Variants in SEC23IP observed in about 807,000 individuals in gnomAD.
The protein encoded by SEC23IP is SEC23 interacting protein, also known as SEC23-interacting protein.
In SEC23IP, 70 loss-of-function variants were observed where a neutral mutation model predicts 113.4. That is an observed-to-expected ratio of 0.62 (90% CI 0.51 to 0.75). The LOEUF is 0.75. Ranked by LOEUF, SEC23IP falls within the 30% of genes least tolerant of loss-of-function variation. The pLI is 0.00. For synonymous variants in SEC23IP, 398 were observed against 421.0 expected (o/e 0.95, Z 0.67); for missense variants, 1,160 against 1,204.9 (o/e 0.96, Z 0.55).
rs1451232140 is a variant in SEC23IP at position 119,898,414 on chromosome 10, T to C, written c.164-13T>C. On this transcript the variant is annotated splice_polypyrimidine_tract_variant and intron_variant, in intron 1 of 18. Coordinates refer to ENST00000369075, the MANE Select transcript of SEC23IP (RefSeq NM_007190.4). Reference sequence around the variant, plus strand: ...GTACCCTTTAAACCACATGCTCTCCTGTTCCATTTCAGAGGATTCCACAGA... The same window carrying C: ...GTACCCTTTAAACCACATGCTCTCCCGTTCCATTTCAGAGGATTCCACAGA... The C allele has an allele frequency of 2.5e-6, 4 of 1,602,952 alleles. No homozygotes were observed. Among genetic ancestry groups the C allele is most frequent in the Middle Eastern group, 3.3e-4 (2 of 6,010 alleles).
chr10:119,918,278 C>G (rs1192980084), intron 9 of SEC23IP, 115 bp from the exon 10 acceptor site: 1 of 703,098 alleles, frequency 1.4e-6, no homozygotes, highest in Non-Finnish European at 2.4e-6. Flanking sequence ...AATTAATTAT[C>G]AGGTCTTGAA....
chr10:119,906,410 GTTT>G (rs57638351), intron 4 of SEC23IP, among the ~76,000 whole-genome samples: 2 of 134,440 alleles, frequency 1.5e-5, no homozygotes, highest in Admixed American at 7.5e-5. Context: ...TCACATCAGG[GTTT>G]TTTTTTTTTT....
At chr10:119,935,789 C>T (rs566168341) in intron 18 of SEC23IP, among the ~76,000 whole-genome samples, 3 of 152,244 alleles carry the variant, frequency 2.0e-5, no homozygotes, top group African/African-American at 4.8e-5. Flanking sequence ...GGGATGGGTT[C>T]AAGTTATTAA....
intron 16 of SEC23IP, among the ~76,000 whole-genome samples, chr10:119,932,559 T>A (rs1159375845): frequency 6.6e-6 from 1 of 152,202 alleles, no homozygotes; most frequent in African/African-American, 2.4e-5. Flanking sequence ...ATTTAAAAAT[T>A]ATATTGAGAT....
In SEC23IP at chr10:119,919,481, A is replaced by G; in HGVS notation, c.1910A>G (p.Tyr637Cys). 1 of 1,612,594 alleles carries G rather than the reference A, an allele frequency of 6.2e-7. No individual in the cohort carries two copies. Among genetic ancestry groups the G allele is most frequent in the Non-Finnish European group, 8.5e-7 (1 of 1,179,650 alleles). Reference protein sequence around the residue: ...EEPKLTLDESYDLVVENKEVL... With the variant: ...EEPKLTLDESCDLVVENKEVL... ...CCAAAGCTGACTTTGGATGAGTCGT[A>G]TGACCTTGTTGTTGAAAATAAAGAA... The change falls in exon 11 of 19, where the codon TAT becomes TGT. Residue 637 changes from tyrosine to cysteine, a missense_variant. Physicochemically the swap from Tyr to Cys is radical, Grantham distance 194 (BLOSUM62 -2). Coordinates refer to ENST00000369075, the MANE Select transcript of SEC23IP (RefSeq NM_007190.4).
At chr10:119,904,422 G>T (rs148199983) in intron 4 of SEC23IP, 145 bp downstream of exon 4, 1 of 686,666 alleles carries the variant, frequency 1.5e-6, no homozygotes, top group East Asian at 2.7e-5. Flanking sequence ...TACTTTTTAA[G>T]TGGTGTCATC....
chr10:119,910,506 A>C (rs1854821885), intron 5 of SEC23IP, among the ~76,000 whole-genome samples: 1 of 152,162 alleles, frequency 6.6e-6, no homozygotes. Context: ...TTTTTATAGA[A>C]AAGTATATAA....
chr10:119,917,143 A>C (rs1230237387), intron 8 of SEC23IP, among the ~76,000 whole-genome samples: 1 of 152,134 alleles, frequency 6.6e-6, no homozygotes, highest in African/African-American at 2.4e-5. Flanking sequence ...TGCTAGGATC[A>C]CAGGCATGAG....
At chr10:119,930,583 C>T (rs1381590612) in intron 15 of SEC23IP, 152 bp downstream of exon 15, 2 of 473,328 alleles carry the variant, frequency 4.2e-6, no homozygotes, top group Non-Finnish European at 3.8e-6. Flanking sequence ...TTTGGAAGAG[C>T]TTTAACAAAA....
chr10:119,919,810 T>A (rs148322267), intron 11 of SEC23IP, among the ~76,000 whole-genome samples: 1 of 152,258 alleles, frequency 6.6e-6, no homozygotes, highest in South Asian at 2.1e-4. Flanking sequence ...AGAAAAAAAT[T>A]GTATAACAGT....
At chr10:119,929,917 A>G (rs913239576) in intron 14 of SEC23IP, among the ~76,000 whole-genome samples, 155 bp downstream of exon 14, 26 of 152,182 alleles carry the variant, frequency 1.7e-4, no homozygotes, top group African/African-American at 6.0e-4. Flanking sequence ...CCAAATCGCT[A>G]GGATTATAGG....
At chr10:119,897,835 TA>T (rs35316281) in intron 1 of SEC23IP, among the ~76,000 whole-genome samples, 9,016 of 144,192 alleles carry the variant, frequency 0.063, 428 homozygotes, top group South Asian at 0.28. Context: ...TCATCTCTAC[TA>T]AAAAAAAAAA....
In SEC23IP at chr10:119,941,313, C is replaced by G. The variant is rs1269162098; in HGVS notation, c.*748C>G. 1 of 152,202 alleles carries G rather than the reference C, an allele frequency of 6.6e-6. No individual in the cohort carries two copies. The highest frequency in any genetic ancestry group is 1.5e-5 in the Non-Finnish European group (1 of 68,052). 9.4% of individuals were successfully genotyped at this position (152,202 alleles called of 1,614,324 possible). The stretch of plus-strand genomic sequence containing the variant: ...TTTTCCATTTTGTCATCCAAGGTAG[C>G]TGTGCACTTGCCTTGTTGCTGAAGT... On this transcript the variant is annotated 3_prime_UTR_variant, in exon 19 of 19. Coordinates refer to ENST00000369075, the MANE Select transcript of SEC23IP (RefSeq NM_007190.4).
intron 16 of SEC23IP, among the ~76,000 whole-genome samples, chr10:119,932,750 G>GT (rs1855648912): frequency 6.6e-6 from 1 of 152,142 alleles, no homozygotes; most frequent in South Asian, 2.1e-4. Flanking sequence ...TTCTAATCCT[G>GT]TTTCCTTTCT....
intron 12 of SEC23IP, among the ~76,000 whole-genome samples, chr10:119,922,146 C>G (rs563035668): frequency 6.6e-6 from 1 of 152,050 alleles, no homozygotes; most frequent in Non-Finnish European, 1.5e-5. Flanking sequence ...TGTCCTGAGG[C>G]AGATGAGAGG....
intron 3 of SEC23IP, 107 bp from the exon 4 acceptor site, chr10:119,903,977 C>T (rs1454793570): frequency 4.3e-5 from 53 of 1,219,490 alleles, no homozygotes; most frequent in Non-Finnish European, 9.2e-6. Flanking sequence ...CTCTCGGCCT[C>T]CCAGGGTGCT....
At chr10:119,906,637 G>A (rs1564909380) in intron 4 of SEC23IP, among the ~76,000 whole-genome samples, 1 of 152,016 alleles carries the variant, frequency 6.6e-6, no homozygotes, top group Non-Finnish European at 1.5e-5. Context: ...GTGCAGTGGC[G>A]TGATTTCAGC....
rs1856006229 is a variant in SEC23IP, at chr10:119,943,298, T to C, written c.*2733T>C. ...AGGAGAGTGGATAGAATTCAGTTCC[T>C]CTATGAGCTGGGGTGCTGACATTGT... is the stretch of plus-strand genomic sequence containing the variant. On this transcript the variant is annotated 3_prime_UTR_variant, in exon 19 of 19. Transcript: ENST00000369075. 6.6e-6 allele frequency: 1 copy of C among 152,210 alleles called. No individual in the cohort carries two copies. Among genetic ancestry groups the C allele is most frequent in the South Asian group, 2.1e-4 (1 of 4,832 alleles). 9.4% of individuals were successfully genotyped at this position (152,210 alleles called of 1,614,324 possible).
intron 5 of SEC23IP, among the ~76,000 whole-genome samples, chr10:119,911,076 G>A (rs570004185): frequency 8.6e-5 from 13 of 150,404 alleles, no homozygotes; most frequent in Non-Finnish European, 1.5e-4. Flanking sequence ...TTGTGGTACA[G>A]GGCTGAATTT....
Sources: allele counts gnomAD v4.1 joint callset (sites outside exome capture counted in the v4.1 genomes callset), GRCh38; gene constraint gnomAD v4.1.1; transcripts MANE v1.5; gene names NCBI Gene and HGNC (gene_info 2026-07-23, HGNC 2026-07-21).